TTC6: variants seen among roughly 807,000 people sequenced by gnomAD.
TTC6 encodes tetratricopeptide repeat domain 6.
In TTC6, 172 loss-of-function variants were observed where a neutral mutation model predicts 210.4. That is an observed-to-expected ratio of 0.82 (90% confidence interval 0.72 to 0.93). The LOEUF is 0.93. Among genes scored for constraint, TTC6 ranks in the 40% least tolerant of loss-of-function variants. The probability of loss-of-function intolerance (pLI) is 0.00; values close to 1 mark genes in which losing one functional copy is unlikely to be tolerated. For synonymous variants in TTC6, 804 were observed against 819.6 expected (o/e 0.98, Z 0.32); for missense variants, 2,414 against 2,318.1 (o/e 1.04, Z -0.85).
intron 1 of TTC6, among the ~76,000 whole-genome samples, chr14:37,632,128 A>G (rs1041308663): frequency 1.3e-5 from 2 of 151,986 alleles, no homozygotes; most frequent in African/African-American, 4.8e-5. Flanking sequence ...AGTTGGTCAA[A>G]CTCATTCTCC....
chr14:37,665,302 G>T (rs1415500071), intron 1 of TTC6, among the ~76,000 whole-genome samples: 1 of 150,662 alleles, frequency 6.6e-6, no homozygotes, highest in Non-Finnish European at 1.5e-5. Flanking sequence ...TATATACCAT[G>T]GAATACTATG....
chr14:37,818,826 T>C (rs2096148650), intron 26 of TTC6, among the ~76,000 whole-genome samples: 1 of 152,172 alleles, frequency 6.6e-6, no homozygotes, highest in South Asian at 2.1e-4. Context: ...TAAGTAATTG[T>C]CATTCTTAAG....
intron 15 of TTC6, 113 bp downstream of exon 17, chr14:37,787,750 A>G (rs371149235): frequency 1.0e-5 from 7 of 696,096 alleles, no homozygotes; most frequent in East Asian, 5.8e-5. Flanking sequence ...ATACTACTAT[A>G]TACTAATATA....
At chr14:37,622,141 G>T (rs1238327276) in exon 1 of TTC6, 1 of 1,535,384 alleles carries the variant, frequency 6.5e-7, no homozygotes, top group Non-Finnish European at 8.7e-7. Flanking sequence ...GAGAAAGTTC[G>T]GCAGGAAACT....
Position 37,831,576 on chromosome 14 carries a change from CG to C in TTC6, c.5298+4211del, listed in dbSNP as rs765808937. 2.7e-3 allele frequency among the ~76,000 whole-genome samples: 404 copies of C among 150,776 alleles called. 4 individuals are homozygous for C. The highest frequency in any genetic ancestry group is 4.4e-3 in the Admixed American group (66 of 15,014). ...TCCGATTCTCTGTATTCTTGCCAGA[CG>C]TTTTTTTTGTGTGTGTTTTTCTTTG... On this transcript the variant is annotated intron_variant, in intron 29 of 30. Coordinates refer to ENST00000553443, the Ensembl canonical transcript of TTC6.
At chr14:37,608,190 C>T (rs1346817403) in intron 2 of TTC6, among the ~76,000 whole-genome samples, 1 of 151,976 alleles carries the variant, frequency 6.6e-6, no homozygotes, top group Non-Finnish European at 1.5e-5. Context: ...ATTTGCATTT[C>T]AATTTTATTT....
At chr14:37,647,440 C>T (rs1194958567) in intron 1 of TTC6, among the ~76,000 whole-genome samples, 1 of 152,054 alleles carries the variant, frequency 6.6e-6, no homozygotes, top group Non-Finnish European at 1.5e-5. Flanking sequence ...TTGAAGGTTG[C>T]TTATGGTTTG....
At chr14:37,714,914 A>G (rs1009271750) in intron 6 of TTC6, 118 bp downstream of exon 8, 3 of 939,174 alleles carry the variant, frequency 3.2e-6, no homozygotes, top group Non-Finnish European at 4.6e-6. Context: ...GTGGTAGCTC[A>G]CGCCTGTAAT....
rs746150920 is a variant in TTC6, at chr14:37,817,641, T to C, written c.4753T>C (p.Cys1585Arg). The change falls in exon 26 of 31, where the codon TGC (cysteine) becomes CGC (arginine). Residue 1585 changes from cysteine to arginine, a missense_variant. Cys to Arg is a radical substitution (Grantham distance 180). Transcript: ENST00000553443. ...GAGCCTTTGTCACGCCACTGCCATGTGCCATCACAGGTATGGAGTGCAATT... is the reference window on the plus strand; with the variant it reads ...GAGCCTTTGTCACGCCACTGCCATGCGCCATCACAGGTATGGAGTGCAATT... 2.5e-6 allele frequency: 4 copies of C among 1,613,872 alleles called. No individual in the cohort carries two copies. In the East Asian group the frequency reaches 6.7e-5, roughly 27 times the overall value.
At chr14:37,825,985 A>G (rs940242027) in intron 27 of TTC6, among the ~76,000 whole-genome samples, 1 of 152,090 alleles carries the variant, frequency 6.6e-6, no homozygotes, top group Non-Finnish European at 1.5e-5. Flanking sequence ...AATTAATTAA[A>G]ATTTCATCAT....
rs1470100326 is a variant in TTC6 at position 37,682,831 on chromosome 14, C to T, written c.1124C>T (p.Pro375Leu). ...GAACAAGAGGATATAGAATGGGGAC[C>T]CTCAGAAGCAGAAAGCATAGTATTT... The change falls in exon 3 of 31, where the codon CCC becomes CTC. Residue 375 changes from proline (P) to leucine (L), a missense_variant. Physicochemically the swap from Pro to Leu is moderately conservative, Grantham distance 98. Coordinates refer to ENST00000553443, the Ensembl canonical transcript of TTC6. The T allele has an allele frequency of 2.6e-6, 4 of 1,535,614 alleles. No individual in the cohort carries two copies. The East Asian group carries it at 9.8e-5, about 38-fold the overall frequency.
intron 14 of TTC6, 96 bp from the exon 17 acceptor site, chr14:37,787,372 A>G: frequency 2.2e-6 from 2 of 900,962 alleles, no homozygotes; most frequent in Non-Finnish European, 3.1e-6. Context: ...AACATTTACA[A>G]ATTGTTATTC....
chr14:37,749,123 T>A, exon 11 of TTC6: 1 of 1,535,650 alleles, frequency 6.5e-7, no homozygotes, highest in Non-Finnish European at 8.7e-7. Context: ...GCTCATTGAG[T>A]ACAAAGATGC....
At chr14:37,837,204 C>G in intron 29 of TTC6, 1 of 252,802 alleles carries the variant, frequency 4.0e-6, no homozygotes. Flanking sequence ...GTTCTTTTCT[C>G]TTACCTGAGA....
intron 14 of TTC6, among the ~76,000 whole-genome samples, chr14:37,756,361 A>G (rs1467892607): frequency 6.6e-6 from 1 of 152,096 alleles, no homozygotes; most frequent in Non-Finnish European, 1.5e-5. Context: ...GCCTGATTTC[A>G]CTGGCCAGAA....
chr14:37,712,286 G>C (rs2095845847), intron 5 of TTC6, among the ~76,000 whole-genome samples: 1 of 152,168 alleles, frequency 6.6e-6, no homozygotes. Flanking sequence ...GAAAAGTAGA[G>C]CAGTGCTTCT....
chr14:37,641,674 A>T (rs1389510095), intron 1 of TTC6, among the ~76,000 whole-genome samples: 2 of 152,178 alleles, frequency 1.3e-5, no homozygotes, highest in African/African-American at 2.4e-5. Flanking sequence ...ATCTTATTGA[A>T]ACTATAAGTA....
chr14:37,612,191 C>G (rs2095635892), intron 2 of TTC6, among the ~76,000 whole-genome samples: 3 of 152,122 alleles, frequency 2.0e-5, no homozygotes, highest in African/African-American at 7.2e-5. Context: ...ATAACCGAAC[C>G]TTTTCATTCT....
chr14:37,705,889 A>T (rs183719372), intron 5 of TTC6, among the ~76,000 whole-genome samples: 23 of 152,246 alleles, frequency 1.5e-4, no homozygotes, highest in African/African-American at 5.5e-4. Flanking sequence ...AATGTTTTAG[A>T]TCTTTGGTAC....
Sources: gnomAD v4.1 joint callset for allele counts (sites outside exome capture counted in the v4.1 genomes callset) on GRCh38, gnomAD v4.1.1 for gene constraint, MANE v1.5 for transcripts, NCBI Gene and HGNC (gene_info 2026-07-23, HGNC 2026-07-21) for gene names.